CDH23: variants seen among roughly 807,000 people sequenced by gnomAD.
The protein encoded by CDH23 is cadherin-23.
In CDH23, 189 loss-of-function variants were observed where a neutral mutation model predicts 317.1. That is an observed-to-expected ratio of 0.60 (90% CI 0.53 to 0.67). CDH23 has a LOEUF of 0.67. Among genes scored for constraint, CDH23 ranks in the 30% least tolerant of loss-of-function variants. CDH23 has a pLI of 0.00. For missense variants in CDH23, 4,401 were observed against 4,592.4 expected, an observed-to-expected ratio of 0.96 and a Z score of 1.20; for synonymous variants, 1,839 against 1,876.8, an observed-to-expected ratio of 0.98 and a Z score of 0.52.
At chr10:71,402,273 A>G (rs1847814386) in intron 1 of CDH23, among the ~76,000 whole-genome samples, 1 of 152,246 alleles carries the variant, frequency 6.6e-6, no homozygotes, top group Non-Finnish European at 1.5e-5. Flanking sequence ...AGAGTGACAC[A>G]GCAGGTTCAG....
chr10:71,401,000 G>A (rs1847754056), intron 1 of CDH23, among the ~76,000 whole-genome samples: 1 of 152,038 alleles, frequency 6.6e-6, no homozygotes, highest in Non-Finnish European at 1.5e-5. Flanking sequence ...GCCTTGCTTT[G>A]GGTTCCTCTT....
chr10:71,442,482 G>A (rs566650959), intron 2 of CDH23, among the ~76,000 whole-genome samples: 12 of 152,082 alleles, frequency 7.9e-5, no homozygotes, highest in Non-Finnish European at 1.6e-4. Flanking sequence ...ACCTGACCCC[G>A]TCACCCCAGC....
intron 21 of CDH23, 69 bp from the exon 22 acceptor site, chr10:71,695,349 C>T (rs889990766): frequency 8.9e-7 from 1 of 1,125,236 alleles, no homozygotes; most frequent in African/African-American, 1.5e-5. Context: ...GAGCACTTTT[C>T]CCCTGGCAGG....
At chr10:71,595,925 C>A (rs1859810503) in intron 9 of CDH23, among the ~76,000 whole-genome samples, 1 of 152,196 alleles carries the variant, frequency 6.6e-6, no homozygotes, top group African/African-American at 2.4e-5. Flanking sequence ...CTGTGAAATC[C>A]TTCTCTTTCT....
intron 19 of CDH23, among the ~76,000 whole-genome samples, chr10:71,688,985 A>G (rs1865051088): frequency 3.0e-5 from 1 of 33,176 alleles, no homozygotes; most frequent in Non-Finnish European, 6.7e-5. Flanking sequence ...GGGGTGGTGG[A>G]GTCAGGGATG....
chr10:71,594,887 T>C (rs200744177), intron 9 of CDH23, among the ~76,000 whole-genome samples: 231 of 152,340 alleles, frequency 1.5e-3, no homozygotes, highest in African/African-American at 5.3e-3. Context: ...ATGGTTCAAA[T>C]TCATAGACAT....
intron 38 of CDH23, chr10:71,742,171 C>A (rs1230316685): frequency 5.5e-6 from 3 of 547,204 alleles, no homozygotes; most frequent in Admixed American, 6.3e-5. Context: ...GTTTAGTCCT[C>A]TTTTCTCTCA....
chr10:71,722,045 C>T (rs970270367), intron 28 of CDH23, among the ~76,000 whole-genome samples: 1 of 152,234 alleles, frequency 6.6e-6, no homozygotes, highest in Non-Finnish European at 1.5e-5. Flanking sequence ...TCTTTGCTAG[C>T]AGGAACCCAT....
intron 3 of CDH23, among the ~76,000 whole-genome samples, chr10:71,472,667 G>A (rs775598068): frequency 5.9e-5 from 9 of 152,210 alleles, no homozygotes; most frequent in Non-Finnish European, 8.8e-5. Flanking sequence ...ACAGCGAAGC[G>A]AGGCCTGAGC....
chr10:71,668,521 C>A (rs1186622898), intron 14 of CDH23, among the ~76,000 whole-genome samples: 1 of 152,230 alleles, frequency 6.6e-6, no homozygotes, highest in Non-Finnish European at 1.5e-5. Flanking sequence ...GTGACTGTTT[C>A]ACCCTGGCCA....
At chr10:71,775,405 CA>C (rs35152722) in intron 38 of CDH23, among the ~76,000 whole-genome samples, 36,769 of 152,036 alleles carry the variant, frequency 0.24, 4,558 homozygotes, top group Non-Finnish European at 0.26. Context: ...ACCCCTTCCC[CA>C]GGGGGATAGA....
chr10:71,809,167 C>CTTTTTTTTTTTT (rs61078259), intron 60 of CDH23, among the ~76,000 whole-genome samples: 11 of 68,840 alleles, frequency 1.6e-4, no homozygotes, highest in East Asian at 5.2e-4. Flanking sequence ...TTTCTTTTTC[C>CTTTTTTTTTTTT]TTTTTTTTTT....
intron 11 of CDH23, among the ~76,000 whole-genome samples, chr10:71,641,577 C>T (rs1240516851): frequency 6.6e-6 from 1 of 152,180 alleles, no homozygotes; most frequent in Non-Finnish European, 1.5e-5. Context: ...TCAGGATCAG[C>T]GTCGCCTGGA....
chr10:71,611,576 A>G (rs1436783213), intron 9 of CDH23, among the ~76,000 whole-genome samples: 1 of 152,160 alleles, frequency 6.6e-6, no homozygotes, highest in East Asian at 1.9e-4. Flanking sequence ...CCTTAAAGTG[A>G]CAGCCTGGGG....
intron 14 of CDH23, among the ~76,000 whole-genome samples, chr10:71,657,005 C>T (rs1006843023): frequency 2.0e-5 from 3 of 152,188 alleles, no homozygotes; most frequent in Non-Finnish European, 2.9e-5. Flanking sequence ...TATCCAACCA[C>T]GCAGGTGGGG....
intron 11 of CDH23, among the ~76,000 whole-genome samples, chr10:71,640,980 G>A (rs369161429): frequency 2.8e-4 from 42 of 152,286 alleles, no homozygotes; most frequent in African/African-American, 8.9e-4. Context: ...TATAGAATGC[G>A]GATGCCTATG....
At chr10:71,723,067 A>G (rs942949964) in intron 28 of CDH23, among the ~76,000 whole-genome samples, 3 of 152,194 alleles carry the variant, frequency 2.0e-5, no homozygotes, top group Non-Finnish European at 2.9e-5. Flanking sequence ...GTCAGGAAGA[A>G]AATGGCAGCT....
intron 1 of CDH23, among the ~76,000 whole-genome samples, chr10:71,415,995 A>G (rs958588798): frequency 1.3e-5 from 2 of 152,198 alleles, no homozygotes; most frequent in Admixed American, 6.5e-5. Flanking sequence ...AATTTTATCA[A>G]TGAGGTTAAA....
chr10:71,569,887 TAA>T lies in CDH23; in HGVS notation c.625-895_625-894del, dbSNP rs1027151024. Reference sequence around the variant, plus strand: ...TGGAGTTTTCTTTCTTGCCAAGCATTAAAAAAAAATTTTTTTTTTGAGATGGG... The same window carrying T: ...TGGAGTTTTCTTTCTTGCCAAGCATTAAAAAAATTTTTTTTTTGAGATGGG... On this transcript the variant is annotated intron_variant, in intron 7 of 69. Transcript: ENST00000224721. Among the ~76,000 whole-genome samples the T allele has an allele frequency of 2.5e-4, 38 of 151,016 alleles. No homozygotes were observed. In the South Asian group the frequency reaches 2.5e-3, roughly 10 times the overall value.
Sources: allele counts gnomAD v4.1 joint callset (sites outside exome capture counted in the v4.1 genomes callset), GRCh38; gene constraint gnomAD v4.1.1; transcripts MANE v1.5; gene names NCBI Gene and HGNC (gene_info 2026-07-23, HGNC 2026-07-21).